ISY1: variants seen among roughly 807,000 people sequenced by gnomAD.
The protein encoded by ISY1 is pre-mRNA-splicing factor ISY1 homolog.
ISY1 carries 12 observed loss-of-function variants against 54.4 expected under a neutral mutation model. The observed-to-expected ratio is 0.22, with a 90% CI of 0.14 to 0.36. ISY1 has a LOEUF of 0.36. Among genes scored for constraint, ISY1 ranks in the 10% least tolerant of loss-of-function variants. The pLI is 1.00. For synonymous variants in ISY1, 96 were observed against 117.9 expected, an observed-to-expected ratio of 0.81 and a Z score of 1.20; for missense variants, 282 against 342.2, an observed-to-expected ratio of 0.82 and a Z score of 1.39.
intron 5 of ISY1, among the ~76,000 whole-genome samples, 167 bp from the exon 6 acceptor site, chr3:129,146,040 A>G (rs140540458): frequency 1.5e-3 from 224 of 152,304 alleles, no homozygotes; most frequent in African/African-American, 5.0e-3. Context: ...AATAAATGAA[A>G]GGACAAGAAT....
Position 129,130,126 on chromosome 3 carries a change from G to A in ISY1, c.813C>T (p.Thr271=), listed in dbSNP as rs757431531. ...MELLQKYASE[T]LQAQSEEARR... The stretch of plus-strand genomic sequence containing the variant: ...TGGCTTCTTCACTTTGGGCCTGCAG[G>A]GTCTCGCTTGCATACTTCTGGAGGA... Residue 271 remains threonine (T), a synonymous_variant, in exon 11 of 11, where the codon ACC becomes ACT. Transcript: ENST00000393295. The A allele has an allele frequency of 1.2e-6, 2 of 1,612,048 alleles. No homozygotes were observed. Among genetic ancestry groups the A allele is most frequent in the East Asian group, 2.2e-5 (1 of 44,774 alleles).
At position 129,135,681 on chromosome 3, in the gene ISY1, G is replaced by A. The variant is rs148367793; in HGVS notation, c.419-727C>T. Among the ~76,000 whole-genome samples, 16 of 151,630 alleles carry A rather than the reference G, an allele frequency of 1.1e-4. No homozygotes were observed. In the East Asian group the frequency reaches 2.9e-3, roughly 28 times the overall value. Reference sequence around the variant, plus strand: ...CTCCTGAGGCTGAGGCAGGAGAATCGCTTGAACCCAGGGGACAGAGGTTGC... The same window carrying A: ...CTCCTGAGGCTGAGGCAGGAGAATCACTTGAACCCAGGGGACAGAGGTTGC... On this transcript the variant is annotated intron_variant, in intron 7 of 10. Coordinates refer to ENST00000393295, the MANE Select transcript of ISY1 (RefSeq NM_020701.4).
intron 9 of ISY1, among the ~76,000 whole-genome samples, chr3:129,131,822 G>C (rs1936244612): frequency 6.6e-6 from 1 of 152,148 alleles, no homozygotes; most frequent in African/African-American, 2.4e-5. Flanking sequence ...AGGGAGGTGT[G>C]AACTGTGAAG....
chr3:129,156,925 G>A lies in ISY1; in HGVS notation c.79-5C>T, dbSNP rs1042857838. ...GGCCAGAAAGGGTCTTCGTTCCTAAGGAGAAAAAAATAACACATTTCCATT... is the reference window on the plus strand; with the variant it reads ...GGCCAGAAAGGGTCTTCGTTCCTAAAGAGAAAAAAATAACACATTTCCATT... On this transcript the variant is annotated splice_polypyrimidine_tract_variant and splice_region_variant and intron_variant, in intron 3 of 10. Transcript: ENST00000393295. The A allele has an allele frequency of 6.2e-7, 1 of 1,613,164 alleles. No individual in the cohort carries two copies. The highest frequency in any genetic ancestry group is 1.3e-5 in the African/African-American group (1 of 74,822).
chr3:129,137,624 C>T (rs961888063), intron 7 of ISY1, among the ~76,000 whole-genome samples: 8 of 151,724 alleles, frequency 5.3e-5, no homozygotes, highest in Non-Finnish European at 1.0e-4. Flanking sequence ...TGACATCAAG[C>T]GTTTGAGACC....
At chr3:129,151,387 G>T (rs1236559692) in intron 5 of ISY1, among the ~76,000 whole-genome samples, 1 of 151,800 alleles carries the variant, frequency 6.6e-6, no homozygotes, top group Non-Finnish European at 1.5e-5. Flanking sequence ...CCAGTACTTT[G>T]GGAGGCAGAG....
Position 129,158,563 on chromosome 3 carries a change from C to A in ISY1, c.27-4G>T. ...GCGAAATCTTGCTAAGGCCGTCCTACCAGCGATATAAAAGATAAAAGACTC... is the reference window on the plus strand; with the variant it reads ...GCGAAATCTTGCTAAGGCCGTCCTAACAGCGATATAAAAGATAAAAGACTC... On this transcript the variant is annotated splice_region_variant and splice_polypyrimidine_tract_variant and intron_variant, in intron 2 of 10. Coordinates refer to ENST00000393295, the MANE Select transcript of ISY1 (RefSeq NM_020701.4). 6.2e-7 allele frequency: 1 copy of A among 1,613,992 alleles called. No individual in the cohort carries two copies. The highest frequency in any genetic ancestry group is 8.5e-7 in the Non-Finnish European group (1 of 1,180,000).
At chr3:129,136,821 C>A (rs959657519) in intron 7 of ISY1, among the ~76,000 whole-genome samples, 1 of 151,356 alleles carries the variant, frequency 6.6e-6, no homozygotes, top group African/African-American at 2.4e-5. Context: ...TCCCGAGTAG[C>A]TGGGATTATA....
chr3:129,135,848 T>C (rs1936381036), intron 7 of ISY1, among the ~76,000 whole-genome samples: 1 of 151,848 alleles, frequency 6.6e-6, no homozygotes, highest in Admixed American at 6.6e-5. Context: ...ATTTATATAA[T>C]AGAGAAAACT....
Position 129,151,338 on chromosome 3 carries a change from T to C in ISY1, c.187+5295A>G, listed in dbSNP as rs535019011. The stretch of plus-strand genomic sequence containing the variant: ...GGGATTTTCTACATAGAAAATTATG[T>C]AGGATTTTAGGTGGGCATGGTGGCT... On this transcript the variant is annotated intron_variant, in intron 5 of 10. Transcript: ENST00000393295. 8.1e-4 allele frequency among the ~76,000 whole-genome samples: 123 copies of C among 151,990 alleles called. 1 individual carries two copies. In the South Asian group the frequency reaches 0.01, roughly 13 times the overall value.
rs1937231414 is a variant in ISY1 at position 129,159,186 on chromosome 3, G to C, written c.4-10C>G. 3.1e-6 allele frequency: 5 copies of C among 1,596,280 alleles called. No homozygotes were observed. Among genetic ancestry groups the C allele is most frequent in the Middle Eastern group, 1.7e-4 (1 of 6,008 alleles). On this transcript the variant is annotated splice_polypyrimidine_tract_variant and intron_variant, in intron 1 of 10. Transcript: ENST00000393295. Reference sequence around the variant, plus strand: ...TTTCTGCATTTCGGGCCTGGAAAGAGAGAAAAGAGAAGAAAAATGTCCATG... The same window carrying C: ...TTTCTGCATTTCGGGCCTGGAAAGACAGAAAAGAGAAGAAAAATGTCCATG...
At chr3:129,145,735 C>T (rs534474188) in intron 6 of ISY1, 26 bp downstream of exon 6, 47 of 1,607,424 alleles carry the variant, frequency 2.9e-5, no homozygotes, top group Middle Eastern at 3.3e-4. Flanking sequence ...AGACAAGACC[C>T]GCCACTGGGG....
At chr3:129,159,841 G>A (rs1937252148) in intron 1 of ISY1, among the ~76,000 whole-genome samples, 2 of 152,094 alleles carry the variant, frequency 1.3e-5, no homozygotes, top group South Asian at 2.1e-4. Context: ...GAGCTGTCAC[G>A]ATATCTTCAT....
intron 1 of ISY1, among the ~76,000 whole-genome samples, chr3:129,159,995 G>T (rs1352569312): frequency 6.6e-6 from 1 of 152,024 alleles, no homozygotes; most frequent in African/African-American, 2.4e-5. Context: ...GCAGTAATTT[G>T]GGATATACCT....
intron 7 of ISY1, among the ~76,000 whole-genome samples, chr3:129,136,190 A>C (rs537292573): frequency 1.3e-5 from 2 of 149,306 alleles, no homozygotes; most frequent in Admixed American, 6.7e-5. Context: ...CAACCTCTGC[A>C]TCCCGGGTTC....
Position 129,161,040 on chromosome 3 carries a change from A to G in ISY1, c.-65T>C, listed in dbSNP as rs1165547221. On this transcript the variant is annotated 5_prime_UTR_variant, in exon 1 of 11. Coordinates refer to ENST00000393295, the MANE Select transcript of ISY1 (RefSeq NM_020701.4). ...TGTCCAAGAAACTCCACAGGCCCAG[A>G]AGACGCCGACGCTCACAGGAACTGA... The G allele has an allele frequency of 6.5e-7, 1 of 1,540,346 alleles. No individual in the cohort carries two copies.
At position 129,128,892 on chromosome 3, in the gene ISY1, C is replaced by T. The variant is rs1161372650; in HGVS notation, c.*1189G>A. ...ATGGTTCCCCACTGGAGAGCTAAGC[C>T]CCAGTTCAGAGGAAGCTCTGGACTC... is the stretch of plus-strand genomic sequence containing the variant. On this transcript the variant is annotated 3_prime_UTR_variant, in exon 11 of 11. Transcript: ENST00000393295. 6.6e-6 allele frequency: 1 copy of T among 152,486 alleles called. No homozygotes were observed. Among genetic ancestry groups the T allele is most frequent in the Non-Finnish European group, 1.5e-5 (1 of 68,254 alleles). 9.4% of individuals were successfully genotyped at this position (152,486 alleles called of 1,614,324 possible). A position where few individuals can be genotyped will look rare whatever the true frequency, so the allele number is the denominator to read the frequency against.
chr3:129,134,104 C>G lies in ISY1; in HGVS notation c.633G>C (p.Glu211Asp). 1 of 1,614,088 alleles carries G rather than the reference C, an allele frequency of 6.2e-7. No individual in the cohort carries two copies. Among genetic ancestry groups the G allele is most frequent in the Non-Finnish European group, 8.5e-7 (1 of 1,179,960 alleles). The change falls in exon 9 of 11, where the codon GAG (glutamate) becomes GAC (aspartate). Residue 211 changes from glutamate to aspartate, a missense_variant. By Grantham distance (45) the Glu-to-Asp change is conservative. Transcript: ENST00000393295. ...EKEEEEEEEE[E>D]INIYAVTEEE... ...CCTCGGTGACTGCATAGATGTTGAT[C>G]TCTTCCTCCTCTTCCTCCTCCTCTT...
At chr3:129,159,930 C>T (rs1159209116) in intron 1 of ISY1, among the ~76,000 whole-genome samples, 3 of 152,212 alleles carry the variant, frequency 2.0e-5, no homozygotes, top group Non-Finnish European at 4.4e-5. Flanking sequence ...GAGATTCTCC[C>T]CTTCAACTGA....
Sources: allele counts gnomAD v4.1 joint callset (sites outside exome capture counted in the v4.1 genomes callset), GRCh38; gene constraint gnomAD v4.1.1; transcripts MANE v1.5; gene names NCBI Gene and HGNC (gene_info 2026-07-23, HGNC 2026-07-21).